Variants in NR6A1 observed in about 807,000 individuals in gnomAD.
NR6A1 encodes the protein nuclear receptor subfamily 6 group A member 1, also known as retinoic acid receptor-related testis-associated receptor.
NR6A1 carries 7 observed loss-of-function variants against 59.1 expected under a neutral mutation model. That is an observed-to-expected ratio of 0.12 (90% CI 0.07 to 0.22). NR6A1 has a LOEUF of 0.22. Among genes scored for constraint, NR6A1 ranks in the 10% least tolerant of loss-of-function variants. The pLI is 1.00. For missense variants in NR6A1, 468 were observed against 611.6 expected, an observed-to-expected ratio of 0.77 and a Z score of 2.48; for synonymous variants, 243 against 236.1, an observed-to-expected ratio of 1.03 and a Z score of -0.27.
At chr9:124,754,468 A>T (rs1481980816) in intron 1 of NR6A1, among the ~76,000 whole-genome samples, 29 of 152,208 alleles carry the variant, frequency 1.9e-4, no homozygotes, top group Admixed American at 1.8e-3. Context: ...TAAGATGTTC[A>T]ATTTGTCTCT....
chr9:124,555,599 G>T (rs1453271435), intron 2 of NR6A1, among the ~76,000 whole-genome samples: 1 of 152,138 alleles, frequency 6.6e-6, no homozygotes, highest in Admixed American at 6.5e-5. Flanking sequence ...CTGAGCGACG[G>T]CAAGACCATA....
intron 2 of NR6A1, among the ~76,000 whole-genome samples, chr9:124,584,002 T>C (rs12344513): frequency 0.018 from 2,740 of 152,152 alleles, 82 homozygotes; most frequent in African/African-American, 0.062. Context: ...GTATCCCTAA[T>C]GCATAGCTCA....
chr9:124,540,410 C>A (rs920132898), intron 4 of NR6A1, among the ~76,000 whole-genome samples: 11 of 152,182 alleles, frequency 7.2e-5, no homozygotes, highest in Non-Finnish European at 1.3e-4. Context: ...ACACTACTCT[C>A]AAGCCGTGAA....
intron 1 of NR6A1, among the ~76,000 whole-genome samples, chr9:124,758,257 C>CT (rs1462616717): frequency 6.6e-6 from 1 of 152,216 alleles, no homozygotes; most frequent in Non-Finnish European, 1.5e-5. Flanking sequence ...CTGCTACACT[C>CT]TTCACTTCAC....
At chr9:124,587,928 C>T (rs749543121) in intron 2 of NR6A1, among the ~76,000 whole-genome samples, 27 of 152,132 alleles carry the variant, frequency 1.8e-4, no homozygotes, top group Non-Finnish European at 3.5e-4. Context: ...AGTGCAATGG[C>T]AAGATCATAA....
At chr9:124,669,778 G>T (rs1012305434) in intron 2 of NR6A1, among the ~76,000 whole-genome samples, 1 of 152,102 alleles carries the variant, frequency 6.6e-6, no homozygotes, top group Non-Finnish European at 1.5e-5. Flanking sequence ...TGTATTTTTA[G>T]TAGAGATGGG....
intron 1 of NR6A1, among the ~76,000 whole-genome samples, chr9:124,750,881 C>T (rs1840481190): frequency 6.6e-6 from 1 of 152,178 alleles, no homozygotes; most frequent in African/African-American, 2.4e-5. Flanking sequence ...TGAAGTCTGG[C>T]TTTAATTCTT....
chr9:124,693,003 C>T (rs1437023606), intron 2 of NR6A1, among the ~76,000 whole-genome samples: 1 of 152,180 alleles, frequency 6.6e-6, no homozygotes, highest in Non-Finnish European at 1.5e-5. Context: ...TCACATTTCA[C>T]TTTGAATTAT....
At chr9:124,651,398 T>C (rs1459418703) in intron 2 of NR6A1, among the ~76,000 whole-genome samples, 3 of 152,188 alleles carry the variant, frequency 2.0e-5, no homozygotes, top group African/African-American at 7.2e-5. Context: ...CAGCCAAAAA[T>C]TGAATTTGAT....
In NR6A1 at chr9:124,771,048, G is replaced by C; in HGVS notation, c.72C>G (p.Pro24=). ...GGGSAGFLEP[P]AALPPPPRNG... ...TGCGCGGCGGCGGAGGGAGCGCGGC[G>C]GGAGGCTCCAGGAACCCCGCCGAGC... is the stretch of plus-strand genomic sequence containing the variant. The change falls in exon 1 of 10, where the codon CCC becomes CCG. Residue 24 remains proline (P), a synonymous_variant. Transcript: ENST00000487099. The C allele has an allele frequency of 8.1e-7, 1 of 1,230,714 alleles. No homozygotes were observed. Among genetic ancestry groups the C allele is most frequent in the Non-Finnish European group, 1.0e-6 (1 of 987,296 alleles). The allele number at this position is 1,230,714 out of a possible 1,614,324, so 76.2% of individuals were successfully genotyped here. A position where few individuals can be genotyped will look rare whatever the true frequency, so the allele number is the denominator to read the frequency against.
At chr9:124,608,525 T>C (rs1343886322) in intron 2 of NR6A1, among the ~76,000 whole-genome samples, 1 of 152,230 alleles carries the variant, frequency 6.6e-6, no homozygotes, top group Non-Finnish European at 1.5e-5. Context: ...TACCACATTT[T>C]CTTTATCCAG....
At chr9:124,658,960 G>A (rs1052255978) in intron 2 of NR6A1, among the ~76,000 whole-genome samples, 8 of 152,040 alleles carry the variant, frequency 5.3e-5, no homozygotes, top group African/African-American at 1.9e-4. Context: ...GTTATTATAA[G>A]GAACACAAAG....
chr9:124,592,668 G>A (rs1026982556), intron 2 of NR6A1, among the ~76,000 whole-genome samples: 2 of 152,122 alleles, frequency 1.3e-5, no homozygotes, highest in Admixed American at 6.6e-5. Context: ...AATTTCAAGC[G>A]CAGGTCTCCC....
rs1839433229 is a variant in NR6A1 at position 124,717,117 on chromosome 9, GC to G, written c.142+16190del. ...TAAAAACTAGCAATAACAAATGCTT[GC>G]AAAGATGTGAAACTGAAACTCATAT... is the stretch of plus-strand genomic sequence containing the variant. On this transcript the variant is annotated intron_variant, in intron 2 of 9. Coordinates refer to ENST00000487099, the MANE Select transcript of NR6A1 (RefSeq NM_033334.4). 3.3e-5 allele frequency among the ~76,000 whole-genome samples: 5 copies of G among 152,174 alleles called. No homozygotes were observed. The South Asian group carries it at 8.3e-4, about 25-fold the overall frequency.
At chr9:124,646,193 T>C (rs1365092813) in intron 2 of NR6A1, among the ~76,000 whole-genome samples, 1 of 151,916 alleles carries the variant, frequency 6.6e-6, no homozygotes, top group Non-Finnish European at 1.5e-5. Flanking sequence ...CTTAGGAAGC[T>C]AGAAAAAGAC....
At chr9:124,523,186 C>T (rs1832842441) in intron 9 of NR6A1, among the ~76,000 whole-genome samples, 1 of 152,100 alleles carries the variant, frequency 6.6e-6, no homozygotes, top group Non-Finnish European at 1.5e-5. Flanking sequence ...CCCCCTCAAC[C>T]CCCGGTAGAT....
chr9:124,539,507 C>T (rs918361842), intron 5 of NR6A1, among the ~76,000 whole-genome samples: 1 of 152,220 alleles, frequency 6.6e-6, no homozygotes, highest in African/African-American at 2.4e-5. Flanking sequence ...GAAAGCTTCC[C>T]TAATAGCTGA....
Position 124,731,295 on chromosome 9 carries a change from G to A in NR6A1, c.142+2013C>T, listed in dbSNP as rs564211913. On this transcript the variant is annotated intron_variant, in intron 2 of 9. Coordinates refer to ENST00000487099, the MANE Select transcript of NR6A1 (RefSeq NM_033334.4). ...TGATGCAGAAGAATCACTTGAACCC[G>A]GGAGTCAGAGGTTGCAGTGAGCTGA... Among the ~76,000 whole-genome samples, 103 of 151,926 alleles carry A rather than the reference G, an allele frequency of 6.8e-4. 1 individual carries two copies. The South Asian group carries it at 0.019, about 28-fold the overall frequency.
intron 1 of NR6A1, among the ~76,000 whole-genome samples, chr9:124,764,650 G>T (rs180954230): frequency 6.6e-6 from 1 of 152,268 alleles, no homozygotes; most frequent in East Asian, 1.9e-4. Flanking sequence ...GCAAATAGTT[G>T]TTCAAGCAAA....
Sources: allele counts gnomAD v4.1 joint callset (sites outside exome capture counted in the v4.1 genomes callset), GRCh38; gene constraint gnomAD v4.1.1; transcripts MANE v1.5; gene names NCBI Gene and HGNC (gene_info 2026-07-23, HGNC 2026-07-21).